Variants in OR2T2 observed in about 807,000 individuals in gnomAD.
OR2T2 encodes olfactory receptor family 2 subfamily T member 2, also known as olfactory receptor 2T2.
For missense variants in OR2T2, 138 were observed against 409.1 expected, an observed-to-expected ratio of 0.34 and a Z score of 5.72; for synonymous variants, 50 against 162.7, an observed-to-expected ratio of 0.31 and a Z score of 5.27.
At position 248,446,194 on chromosome 1, in the gene OR2T2, CTT is replaced by C. The variant is rs1210375147; in HGVS notation, c.-245-392_-245-391del. On this transcript the variant is annotated intron_variant, in intron 1 of 2. Coordinates refer to ENST00000642130, the Ensembl canonical transcript of OR2T2. ...TTTTTTTCATTTTAACCTCCTTCCT[CTT>C]TTATTGAACCCATAAGGCATCCACG... Among the ~76,000 whole-genome samples the C allele has an allele frequency of 1.4e-5, 2 of 143,122 alleles. 1 individual carries two copies. 93.9% of individuals were successfully genotyped at this position (143,122 alleles called of 152,430 possible).
chr1:248,453,102 T>A, exon 3 of OR2T2: 1 of 1,613,066 alleles, frequency 6.2e-7, no homozygotes, highest in Non-Finnish European at 8.5e-7. Flanking sequence ...GCAGTTCAGA[T>A]CTTCCTCTAC....
intron 2 of OR2T2, among the ~76,000 whole-genome samples, chr1:248,447,258 G>A (rs1210033152): frequency 6.6e-6 from 1 of 150,940 alleles, no homozygotes; most frequent in African/African-American, 2.5e-5. Context: ...GTAGGTAGAA[G>A]AAGAAAAGGA....
chr1:248,446,951 T>C (rs1377819353), intron 2 of OR2T2, 140 bp downstream of exon 2: 1 of 145,674 alleles, frequency 6.9e-6, no homozygotes, highest in Non-Finnish European at 1.5e-5. Flanking sequence ...AAAACTTCTA[T>C]CTTATGCCTA....
At chr1:248,453,638 A>G (rs1162044420) in exon 3 of OR2T2, 1 of 1,594,648 alleles carries the variant, frequency 6.3e-7, no homozygotes. Flanking sequence ...CTTCTACACC[A>G]TCCTCACCCC....
In OR2T2 at chr1:248,453,904, C is replaced by T; in HGVS notation, c.*132C>T. 8 of 1,248,524 alleles carry T rather than the reference C, an allele frequency of 6.4e-6. No homozygotes were observed. The South Asian group carries it at 1.0e-4, about 16-fold the overall frequency. The allele number at this position is 1,248,524 out of a possible 1,614,324, so 77.3% of individuals were successfully genotyped here. On this transcript the variant is annotated 3_prime_UTR_variant, in exon 3 of 3. Coordinates refer to ENST00000642130, the Ensembl canonical transcript of OR2T2. ...GCGCAAACATCTGCGGTGCTGCGGCCAATAACGCAGCTATTACAGAAAATA... is the reference window on the plus strand; with the variant it reads ...GCGCAAACATCTGCGGTGCTGCGGCTAATAACGCAGCTATTACAGAAAATA...
rs4098484 is a variant in OR2T2 at position 248,446,266 on chromosome 1, C to G, written c.-245-323C>G. Among the ~76,000 whole-genome samples, 321 of 141,224 alleles carry G rather than the reference C, an allele frequency of 2.3e-3. 55 individuals are homozygous for G. The highest frequency in any genetic ancestry group is 8.2e-3 in the African/African-American group (281 of 34,098). 92.6% of individuals were successfully genotyped at this position (141,224 alleles called of 152,430 possible). A position where few individuals can be genotyped will look rare whatever the true frequency, so the allele number is the denominator to read the frequency against. ...TTTTAATAAAACTATTAGAGGTCTC[C>G]TAGAAGCCATCTTAGCATGGCATAT... is the stretch of plus-strand genomic sequence containing the variant. On this transcript the variant is annotated intron_variant, in intron 1 of 2. Transcript: ENST00000642130.
chr1:248,453,896 G>A, exon 3 of OR2T2: 1 of 1,366,458 alleles, frequency 7.3e-7, no homozygotes, highest in Non-Finnish European at 1.0e-6. Context: ...CATCTGCGGT[G>A]CTGCGGCCAA....
intron 2 of OR2T2, among the ~76,000 whole-genome samples, chr1:248,450,129 G>A (rs1311364129): frequency 1.3e-5 from 2 of 149,238 alleles, no homozygotes; most frequent in African/African-American, 5.1e-5. Context: ...GCATGCATTT[G>A]AACATGTCAC....
intron 2 of OR2T2, among the ~76,000 whole-genome samples, chr1:248,451,473 GT>G: frequency 8.6e-6 from 1 of 116,140 alleles, no homozygotes; most frequent in Admixed American, 7.9e-5. Flanking sequence ...TATAGTTTTT[GT>G]TTTCTTGTTT....
chr1:248,453,245 T>A, exon 3 of OR2T2: 1 of 1,604,098 alleles, frequency 6.2e-7, no homozygotes, highest in Non-Finnish European at 8.5e-7. Flanking sequence ...GGTCGGCTCC[T>A]GGGTTGGTGG....
chr1:248,450,826 C>CAA (rs1662781224), intron 2 of OR2T2, among the ~76,000 whole-genome samples: 1 of 144,442 alleles, frequency 6.9e-6, no homozygotes, highest in African/African-American at 2.7e-5. Flanking sequence ...AAAGCCACTG[C>CAA]AAATGGAATT....
exon 3 of OR2T2, chr1:248,455,153 CAT>C (rs1277240038): frequency 1.3e-5 from 2 of 149,198 alleles, no homozygotes; most frequent in South Asian, 2.1e-4. Flanking sequence ...AAATATGAGA[CAT>C]AAAAAATATT....
intron 1 of OR2T2, among the ~76,000 whole-genome samples, chr1:248,446,359 A>AG: frequency 6.9e-6 from 1 of 145,128 alleles, no homozygotes; most frequent in Admixed American, 6.7e-5. Context: ...CTCAGGCTGT[A>AG]GGGGTATAAT....
chr1:248,446,930 T>G (rs1276649178), intron 2 of OR2T2, 119 bp downstream of exon 2: 1 of 138,382 alleles, frequency 7.2e-6, no homozygotes, highest in Non-Finnish European at 1.5e-5. Context: ...TTTTTTTTTT[T>G]TAAAGCCAAG....
intron 2 of OR2T2, among the ~76,000 whole-genome samples, chr1:248,447,957 T>G (rs1454761911): frequency 2.0e-5 from 3 of 152,264 alleles, no homozygotes; most frequent in African/African-American, 7.2e-5. Flanking sequence ...TTTTGAGTAG[T>G]GTGGTGGAAA....
chr1:248,451,040 TTC>T (rs1246267383), intron 2 of OR2T2, among the ~76,000 whole-genome samples: 35 of 11,728 alleles, frequency 3.0e-3, no homozygotes, highest in African/African-American at 0.01. Context: ...TTGCTTTTTT[TTC>T]TTTCTCCCTT....
At chr1:248,447,335 C>A (rs1363319989) in intron 2 of OR2T2, among the ~76,000 whole-genome samples, 1 of 148,136 alleles carries the variant, frequency 6.8e-6, no homozygotes, top group Non-Finnish European at 1.5e-5. Flanking sequence ...ATCTTGCTTT[C>A]AAGACTAAAA....
At chr1:248,446,591 T>G (rs1662661709) in exon 2 of OR2T2, 2 of 147,454 alleles carry the variant, frequency 1.4e-5, no homozygotes, top group Non-Finnish European at 2.9e-5. Context: ...TTCCACAGCG[T>G]TAGCAGGGTG....
exon 3 of OR2T2, chr1:248,454,144 T>TG (rs1662888563): frequency 4.2e-6 from 1 of 240,760 alleles, no homozygotes; most frequent in Non-Finnish European, 7.1e-6. Context: ...AAGCAGCTCT[T>TG]GGAAGTGCCC....
Sources: gnomAD v4.1 joint callset for allele counts (sites outside exome capture counted in the v4.1 genomes callset) on GRCh38, gnomAD v4.1.1 for gene constraint, MANE v1.5 for transcripts, NCBI Gene and HGNC (gene_info 2026-07-23, HGNC 2026-07-21) for gene names.